Variants in MAN1C1 observed in about 807,000 individuals in gnomAD.
The protein encoded by MAN1C1 is mannosidase alpha class 1C member 1, also known as mannosyl-oligosaccharide 1,2-alpha-mannosidase IC.
In MAN1C1, 49 loss-of-function variants were observed where a neutral mutation model predicts 71.5. The observed-to-expected ratio is 0.69, with a 90% confidence interval of 0.54 to 0.87. The LOEUF is 0.87. MAN1C1 is among the 40% of genes least tolerant of loss of function. MAN1C1 has a pLI of 0.00. For missense variants in MAN1C1, 743 were observed against 835.0 expected, an observed-to-expected ratio of 0.89 and a Z score of 1.36; for synonymous variants, 352 against 343.7, an observed-to-expected ratio of 1.02 and a Z score of -0.27.
intron 2 of MAN1C1, among the ~76,000 whole-genome samples, chr1:25,700,013 A>G (rs2046418085): frequency 6.6e-6 from 1 of 152,240 alleles, no homozygotes; most frequent in South Asian, 2.1e-4. Context: ...GAGAGCCCGG[A>G]GGAAGACAAA....
chr1:25,707,314 G>A (rs1478867320), intron 2 of MAN1C1, among the ~76,000 whole-genome samples: 1 of 152,216 alleles, frequency 6.6e-6, no homozygotes, highest in Non-Finnish European at 1.5e-5. Flanking sequence ...CTGCCACTTG[G>A]CCCATCAGTG....
At chr1:25,676,895 C>T (rs866931264) in intron 1 of MAN1C1, among the ~76,000 whole-genome samples, 3 of 152,276 alleles carry the variant, frequency 2.0e-5, no homozygotes, top group South Asian at 2.1e-4. Context: ...AACTGTCCAA[C>T]ACAAACTTTG....
At chr1:25,734,261 T>G (rs771378978) in intron 2 of MAN1C1, among the ~76,000 whole-genome samples, 19 of 152,006 alleles carry the variant, frequency 1.2e-4, no homozygotes, top group African/African-American at 3.6e-4. Context: ...CCTAAGTAGC[T>G]AGGACTACAG....
At chr1:25,671,066 A>T (rs1312500989) in intron 1 of MAN1C1, among the ~76,000 whole-genome samples, 2 of 152,116 alleles carry the variant, frequency 1.3e-5, no homozygotes, top group Non-Finnish European at 2.9e-5. Flanking sequence ...TTCAGTAGAG[A>T]TGGAGTTTCA....
intron 1 of MAN1C1, among the ~76,000 whole-genome samples, chr1:25,666,246 C>T (rs986571192): frequency 1.2e-4 from 18 of 151,782 alleles, no homozygotes; most frequent in African/African-American, 4.4e-4. Context: ...TAGCTATCCA[C>T]CCAGGAAACA....
chr1:25,724,795 T>A (rs989006045), intron 2 of MAN1C1, among the ~76,000 whole-genome samples: 2 of 152,200 alleles, frequency 1.3e-5, no homozygotes, highest in African/African-American at 4.8e-5. Flanking sequence ...CCACCCTGAT[T>A]TGCATTCAGT....
In MAN1C1 at chr1:25,618,242, C is replaced by T. The variant is rs780060851; in HGVS notation, c.445C>T (p.Arg149Trp). The stretch of plus-strand genomic sequence containing the variant: ...TTTCCGCTTTGACTTCAACGCATTC[C>T]GGAGCCGTCTCCGCCACCCGGTCCT... ...VPFRFDFNAF[R>W]SRLRHPVLGT... The change falls in exon 1 of 12, where the codon CGG becomes TGG. Residue 149 changes from arginine (R) to tryptophan (W), a missense_variant. Coordinates refer to ENST00000374332, the MANE Select transcript of MAN1C1 (RefSeq NM_020379.4). 6.2e-7 allele frequency: 1 copy of T among 1,602,348 alleles called. No individual in the cohort carries two copies. The highest frequency in any genetic ancestry group is 8.5e-7 in the Non-Finnish European group (1 of 1,176,450).
chr1:25,703,505 A>T (rs1399070078), intron 2 of MAN1C1, among the ~76,000 whole-genome samples: 1 of 152,158 alleles, frequency 6.6e-6, no homozygotes, highest in East Asian at 1.9e-4. Flanking sequence ...AACATGGAGA[A>T]ACCCCATCTC....
chr1:25,661,327 C>T (rs1173979495), intron 1 of MAN1C1, among the ~76,000 whole-genome samples: 1 of 152,212 alleles, frequency 6.6e-6, no homozygotes, highest in Non-Finnish European at 1.5e-5. Flanking sequence ...CCAGTGTGGA[C>T]TATGTGCCAG....
At chr1:25,648,397 T>C (rs1466042030) in intron 1 of MAN1C1, among the ~76,000 whole-genome samples, 1 of 152,184 alleles carries the variant, frequency 6.6e-6, no homozygotes, top group Non-Finnish European at 1.5e-5. Context: ...TTTCCCACCC[T>C]CTCTTTGTTA....
chr1:25,691,087 C>T (rs2046302723), intron 2 of MAN1C1, among the ~76,000 whole-genome samples: 1 of 152,136 alleles, frequency 6.6e-6, no homozygotes, highest in South Asian at 2.1e-4. Flanking sequence ...GAGGCCGAGG[C>T]GGGTGGATCA....
chr1:25,740,826 G>C (rs1484797123), intron 2 of MAN1C1, among the ~76,000 whole-genome samples: 2 of 152,090 alleles, frequency 1.3e-5, no homozygotes, highest in Non-Finnish European at 2.9e-5. Flanking sequence ...TAGATGCCAA[G>C]GGGGCGGGGA....
chr1:25,716,511 G>C (rs1437519937), intron 2 of MAN1C1, among the ~76,000 whole-genome samples: 1 of 152,108 alleles, frequency 6.6e-6, no homozygotes. Flanking sequence ...GTTTTTAGTA[G>C]ACACAGGATT....
intron 1 of MAN1C1, among the ~76,000 whole-genome samples, chr1:25,647,428 A>C (rs1477589269): frequency 6.6e-6 from 1 of 152,124 alleles, no homozygotes; most frequent in Non-Finnish European, 1.5e-5. Flanking sequence ...GTCCAAAGGA[A>C]GAGGTGGGTC....
At chr1:25,650,128 CT>C (rs2045671400) in intron 1 of MAN1C1, among the ~76,000 whole-genome samples, 2 of 152,224 alleles carry the variant, frequency 1.3e-5, no homozygotes, top group South Asian at 4.1e-4. Context: ...ATGTCCACAG[CT>C]CTGCACCACT....
At chr1:25,629,464 C>A (rs967384058) in intron 1 of MAN1C1, among the ~76,000 whole-genome samples, 1 of 152,152 alleles carries the variant, frequency 6.6e-6, no homozygotes, top group South Asian at 2.1e-4. Flanking sequence ...GAGACAGGGT[C>A]TCCCTCCGTC....
chr1:25,719,385 A>AT (rs904154186), intron 2 of MAN1C1, among the ~76,000 whole-genome samples: 6 of 148,034 alleles, frequency 4.1e-5, no homozygotes, highest in Non-Finnish European at 7.4e-5. Context: ...AATACTTATT[A>AT]TTTTTTATCT....
In MAN1C1 at chr1:25,753,546, G is replaced by A. The variant is rs753035181; in HGVS notation, c.897G>A (p.Thr299=). Residue 299 remains threonine (T), a synonymous_variant, in exon 5 of 12, where the codon ACG becomes ACA. Transcript: ENST00000374332. This position sits in a 1 kb window ranked among gnomAD's most constrained non-coding sequence, Gnocchi z 4.9. ...EKLLPAFNTP[T]GIPKGVVSFK... ...TCCTGCCGGCGTTCAACACCCCCAC[G>A]GGAATCCCAAAGGGCGTGGTGAGCT... is the stretch of plus-strand genomic sequence containing the variant. The A allele has an allele frequency of 5.0e-6, 8 of 1,613,680 alleles. No individual in the cohort carries two copies. The highest frequency in any genetic ancestry group is 4.0e-5 in the African/African-American group (3 of 74,934).
intron 2 of MAN1C1, among the ~76,000 whole-genome samples, chr1:25,732,853 C>T (rs1215382314): frequency 6.6e-6 from 1 of 152,170 alleles, no homozygotes; most frequent in East Asian, 1.9e-4. Flanking sequence ...GATTTCCTTT[C>T]TTTTCTCCTT....
Sources: allele counts gnomAD v4.1 joint callset (sites outside exome capture counted in the v4.1 genomes callset), GRCh38; gene constraint gnomAD v4.1.1; non-coding constraint Gnocchi (gnomAD v3.1); transcripts MANE v1.5; gene names NCBI Gene and HGNC (gene_info 2026-07-23, HGNC 2026-07-21).